UNC45A: variants seen among roughly 807,000 people sequenced by gnomAD.
UNC45A encodes protein unc-45 homolog A.
UNC45A carries 78 observed loss-of-function variants against 103.2 expected under a neutral mutation model. That is an observed-to-expected ratio of 0.76 (90% CI 0.63 to 0.91). The LOEUF is 0.91. Among genes scored for constraint, UNC45A ranks in the 40% least tolerant of loss-of-function variants. The pLI, the probability that UNC45A is intolerant of heterozygous loss-of-function variation, is 0.00. For missense variants in UNC45A, 1,193 were observed against 1,224.8 expected, an observed-to-expected ratio of 0.97 and a Z score of 0.39; for synonymous variants, 495 against 504.6, an observed-to-expected ratio of 0.98 and a Z score of 0.25.
chr15:90,947,772 A>C, intron 10 of UNC45A, 24 bp from the exon 11 acceptor site: 1 of 1,599,314 alleles, frequency 6.3e-7, no homozygotes. Flanking sequence ...CCAGAGGCCA[A>C]CTGGTCTTGC....
Position 90,940,359 on chromosome 15 carries a change from C to A in UNC45A, c.573C>A (p.Ile191=). The change falls in exon 6 of 20, where the codon ATC becomes ATA. Residue 191 remains isoleucine (I), a synonymous_variant. Transcript: ENST00000418476. ...LAREDAGAEK[I]FRSNGVQLLQ... ...GGGAGGATGCTGGAGCGGAGAAGAT[C>A]TTCCGGAGTAATGGGGTTCAGCTCT... 1 of 1,614,166 alleles carries A rather than the reference C, an allele frequency of 6.2e-7. No homozygotes were observed. Among genetic ancestry groups the A allele is most frequent in the South Asian group, 1.1e-5 (1 of 91,082 alleles).
At chr15:90,940,597 C>A in intron 6 of UNC45A, 124 bp downstream of exon 6, 1 of 1,255,506 alleles carries the variant, frequency 8.0e-7, no homozygotes, top group Non-Finnish European at 1.1e-6. Flanking sequence ...ACTCTTCCAC[C>A]CTCTACCCCT....
At position 90,940,439 on chromosome 15, in the gene UNC45A, C is replaced by G. The variant is rs772800749; in HGVS notation, c.653C>G (p.Thr218Arg). Residue 218 changes from threonine (T) to arginine (R), a missense_variant, in exon 6 of 20, where the codon ACG becomes AGG. Thr to Arg is a moderately conservative substitution (Grantham distance 71, BLOSUM62 -1). Transcript: ENST00000418476. Reference sequence around the variant, plus strand: ...GACCTCATGCTGGCGGCTCTGCGTACGCTGGTTGGCATTTGCTCTGAGCAT... The same window carrying G: ...GACCTCATGCTGGCGGCTCTGCGTAGGCTGGTTGGCATTTGCTCTGAGCAT... ...ETDLMLAALR[T>R]LVGICSEHQS... The G allele has an allele frequency of 6.2e-7, 1 of 1,613,894 alleles. No individual in the cohort carries two copies. The highest frequency in any genetic ancestry group is 1.1e-5 in the South Asian group (1 of 91,066).
intron 8 of UNC45A, among the ~76,000 whole-genome samples, chr15:90,944,529 G>T (rs1057442700): frequency 1.3e-5 from 2 of 152,188 alleles, no homozygotes. Context: ...CCCACGAGGT[G>T]TGTCTATTGT....
rs1299096471 is a variant in UNC45A, at chr15:90,947,781, GC to G, written c.1501-12del. 2.5e-6 allele frequency: 4 copies of G among 1,610,050 alleles called. No individual in the cohort carries two copies. The African/African-American group carries it at 4.0e-5, about 16-fold the overall frequency. On this transcript the variant is annotated splice_polypyrimidine_tract_variant and intron_variant, in intron 10 of 19. Transcript: ENST00000418476. Reference sequence around the variant, plus strand: ...CCTTCCCCAGAGGCCAACTGGTCTTGCCCTCTTCCTCCAGGGACTCTGTAAG... The same window carrying G: ...CCTTCCCCAGAGGCCAACTGGTCTTGCCTCTTCCTCCAGGGACTCTGTAAG...
chr15:90,933,180 A>G (rs1196556597), upstream of UNC45A: 1 of 152,218 alleles, frequency 6.6e-6, no homozygotes, highest in Non-Finnish European at 1.5e-5. Flanking sequence ...TTTCTGCAGG[A>G]ACTGCCTTTG....
rs1006041166 is a variant in UNC45A, at chr15:90,935,329, CTG to C, written c.8_9del (p.Val3GlufsTer27). 1 of 1,604,418 alleles carries C rather than the reference CTG, an allele frequency of 6.2e-7. No individual in the cohort carries two copies. Among genetic ancestry groups the C allele is most frequent in the African/African-American group, 1.3e-5 (1 of 74,790 alleles). On this transcript the variant is annotated frameshift_variant, in exon 1 of 20. Coordinates refer to ENST00000418476, the MANE Select transcript of UNC45A (RefSeq NM_018671.5). LOFTEE classifies it high-confidence loss of function. ...GCACGAGACAACCTCTCCGCGATGA[CTG>C]TGAGTGGTCCAGGGACCCCCGAGCC... is the stretch of plus-strand genomic sequence containing the variant.
intron 19 of UNC45A, 30 bp from the exon 20 acceptor site, chr15:90,953,429 G>C (rs755183632): frequency 6.2e-7 from 1 of 1,610,472 alleles, no homozygotes; most frequent in South Asian, 1.1e-5. Flanking sequence ...CTGTTGCCCA[G>C]GGGTCATATC....
At chr15:90,940,876 G>A in intron 6 of UNC45A, 1 of 155,168 alleles carries the variant, frequency 6.4e-6, no homozygotes, top group Non-Finnish European at 1.4e-5. Context: ...TCGCGCCACT[G>A]CACTCCAGCC....
In UNC45A at chr15:90,949,645, T is replaced by C. The variant is rs779196251; in HGVS notation, c.2007-9T>C. ...GAGCTGCCTGCCCACCACCGCCTTCTCCCCACAGGGTCTTCTTGGCTTTAG... is the reference window on the plus strand; with the variant it reads ...GAGCTGCCTGCCCACCACCGCCTTCCCCCCACAGGGTCTTCTTGGCTTTAG... On this transcript the variant is annotated splice_polypyrimidine_tract_variant and intron_variant, in intron 14 of 19. Coordinates refer to ENST00000418476, the MANE Select transcript of UNC45A (RefSeq NM_018671.5). 1.2e-4 allele frequency: 188 copies of C among 1,613,830 alleles called. No individual in the cohort carries two copies. The highest frequency in any genetic ancestry group is 4.0e-4 in the Admixed American group (24 of 59,988).
rs1190955035 is a variant in UNC45A, at chr15:90,936,769, G to T, written c.426+309G>T. 2.6e-5 allele frequency among the ~76,000 whole-genome samples: 4 copies of T among 152,172 alleles called. No individual in the cohort carries two copies. The East Asian group carries it at 7.7e-4, about 29-fold the overall frequency. ...TACAGCTCTTTTCGAGAGTACTTTA[G>T]CATATCTATTCAATTTCAAATGAGC... On this transcript the variant is annotated intron_variant, in intron 4 of 19. Coordinates refer to ENST00000418476, the MANE Select transcript of UNC45A (RefSeq NM_018671.5).
chr15:90,939,829 G>A lies in UNC45A; in HGVS notation c.519+6G>A, dbSNP rs780993453. On this transcript the variant is annotated splice_donor_region_variant and intron_variant, in intron 5 of 19. Transcript: ENST00000418476. ...GCACTGAGAAAAAGCAAAAGGTATAGGCCCTGGGCTGAGTCAGTGAGTGAG... is the reference window on the plus strand; with the variant it reads ...GCACTGAGAAAAAGCAAAAGGTATAAGCCCTGGGCTGAGTCAGTGAGTGAG... 17 of 1,613,520 alleles carry A rather than the reference G, an allele frequency of 1.1e-5. No homozygotes were observed. The highest frequency in any genetic ancestry group is 1.4e-5 in the Non-Finnish European group (17 of 1,179,930).
Position 90,953,631 on chromosome 15 carries a change from A to G in UNC45A, c.2750A>G (p.His917Arg). 6.2e-7 allele frequency: 1 copy of G among 1,614,164 alleles called. No homozygotes were observed. The highest frequency in any genetic ancestry group is 8.5e-7 in the Non-Finnish European group (1 of 1,180,034). Reference protein sequence around the residue: ...EILSVLAKGDHSPVTRAAAAC... With the variant: ...EILSVLAKGDRSPVTRAAAAC... ...TTGTCAGTGCTAGCTAAGGGTGACC[A>G]CAGCCCTGTCACAAGGGCTGCTGCA... is the stretch of plus-strand genomic sequence containing the variant. Residue 917 changes from histidine (H) to arginine (R), a missense_variant, in exon 20 of 20, where the codon CAC (histidine) becomes CGC (arginine). By Grantham distance (29) the His-to-Arg change is conservative. Coordinates refer to ENST00000418476, the MANE Select transcript of UNC45A (RefSeq NM_018671.5).
intron 5 of UNC45A, among the ~76,000 whole-genome samples, 197 bp downstream of exon 5, chr15:90,940,020 T>A (rs993190548): frequency 6.6e-6 from 1 of 152,188 alleles, no homozygotes. Flanking sequence ...GAGTACCTTG[T>A]TGGCCACGCC....
At chr15:90,930,897 T>C (rs1442692328), upstream of UNC45A, 2 of 230,336 alleles carry the variant, frequency 8.7e-6, no homozygotes, top group Non-Finnish European at 1.8e-5. Context: ...AGTCGGAGGC[T>C]GGAGAAGGAG....
intron 14 of UNC45A, 84 bp downstream of exon 14, chr15:90,949,527 A>C: frequency 6.2e-7 from 1 of 1,600,900 alleles, no homozygotes. Flanking sequence ...TGCAGGTTCC[A>C]GTGCTGTGGG....
chr15:90,939,121 C>A (rs888504294), intron 4 of UNC45A, among the ~76,000 whole-genome samples: 2 of 151,652 alleles, frequency 1.3e-5, no homozygotes, highest in Non-Finnish European at 2.9e-5. Flanking sequence ...CTGGGATTAC[C>A]GGCATCTGCC....
At chr15:90,949,026 G>A (rs550939614) in intron 13 of UNC45A, among the ~76,000 whole-genome samples, 32 of 151,826 alleles carry the variant, frequency 2.1e-4, no homozygotes, top group African/African-American at 7.2e-4. Flanking sequence ...ACAGGTGCCC[G>A]CCACCATGCC....
At chr15:90,947,458 C>T in intron 10 of UNC45A, 1 of 342,028 alleles carries the variant, frequency 2.9e-6, no homozygotes. Flanking sequence ...CTGTCCTCTC[C>T]CCACATGCCT....
Sources: gnomAD v4.1 joint callset for allele counts (sites outside exome capture counted in the v4.1 genomes callset) on GRCh38, gnomAD v4.1.1 for gene constraint, MANE v1.5 for transcripts, NCBI Gene and HGNC (gene_info 2026-07-23, HGNC 2026-07-21) for gene names.